The following CNTN3 variants were observed in gnomAD, a reference collection of about 807,000 sequenced individuals.
The protein encoded by CNTN3 is contactin-3.
Under a neutral mutation model 119.1 loss-of-function variants are expected in CNTN3, and 60 were observed. The observed-to-expected ratio is 0.50, with a 90% CI of 0.41 to 0.62. CNTN3 has a LOEUF of 0.62. Ranked by LOEUF, CNTN3 falls within the 20% of genes least tolerant of loss-of-function variation. The probability of loss-of-function intolerance (pLI) is 0.00; values close to 1 mark genes in which losing one functional copy is unlikely to be tolerated. For missense variants in CNTN3, 1,101 were observed against 1,242.4 expected, an observed-to-expected ratio of 0.89 and a Z score of 1.71; for synonymous variants, 450 against 438.7, an observed-to-expected ratio of 1.03 and a Z score of -0.32.
At chr3:74,532,698 C>T (rs920049249) in intron 1 of CNTN3, among the ~76,000 whole-genome samples, 10 of 151,822 alleles carry the variant, frequency 6.6e-5, no homozygotes, top group African/African-American at 2.2e-4. Context: ...TCACACTGCT[C>T]GGAATGGAAT....
At chr3:74,437,449 G>A (rs1273847764) in intron 4 of CNTN3, among the ~76,000 whole-genome samples, 1 of 151,912 alleles carries the variant, frequency 6.6e-6, no homozygotes, top group Non-Finnish European at 1.5e-5. Flanking sequence ...GTGACAGCGC[G>A]AGACTCTGTC....
At chr3:74,364,445 G>A (rs751812840) in intron 10 of CNTN3, 22 bp downstream of exon 10, 3 of 1,601,942 alleles carry the variant, frequency 1.9e-6, no homozygotes, top group Non-Finnish European at 2.6e-6. Context: ...ATTAAGAGAA[G>A]AGCAGAGAAA....
intron 5 of CNTN3, among the ~76,000 whole-genome samples, chr3:74,413,423 T>C (rs1242367439): frequency 1.3e-5 from 2 of 152,224 alleles, no homozygotes; most frequent in Non-Finnish European, 2.9e-5. Flanking sequence ...AAAATGTGTC[T>C]GTGTCTAATG....
At chr3:74,437,476 A>T (rs185625454) in intron 4 of CNTN3, among the ~76,000 whole-genome samples, 3 of 151,622 alleles carry the variant, frequency 2.0e-5, no homozygotes, top group Non-Finnish European at 4.4e-5. Context: ...AAATAAAAAT[A>T]AAAAAAAACC....
chr3:74,517,229 C>T (rs77908036), intron 2 of CNTN3, among the ~76,000 whole-genome samples: 6,168 of 152,020 alleles, frequency 0.041, 138 homozygotes, highest in South Asian at 0.068. Context: ...TGCTGACTTA[C>T]GATCTGGCCT....
At chr3:74,311,737 G>A (rs1702688987) in intron 13 of CNTN3, among the ~76,000 whole-genome samples, 1 of 152,174 alleles carries the variant, frequency 6.6e-6, no homozygotes, top group Non-Finnish European at 1.5e-5. Flanking sequence ...GAACTTAGAA[G>A]ATGTCACTCT....
chr3:74,305,904 C>G (rs1702553800), intron 13 of CNTN3, among the ~76,000 whole-genome samples: 2 of 151,706 alleles, frequency 1.3e-5, no homozygotes, highest in African/African-American at 4.8e-5. Flanking sequence ...CCCCTAAATG[C>G]TCAGCTTTCA....
chr3:74,403,675 T>G (rs930141209), intron 5 of CNTN3, among the ~76,000 whole-genome samples: 32 of 152,270 alleles, frequency 2.1e-4, no homozygotes, highest in African/African-American at 7.7e-4. Context: ...AGCTCATCCT[T>G]TTATTAAAAT....
intron 1 of CNTN3, among the ~76,000 whole-genome samples, chr3:74,559,075 G>A (rs1575829111): frequency 6.6e-6 from 1 of 151,568 alleles, no homozygotes; most frequent in Admixed American, 6.6e-5. Flanking sequence ...TAAGCATAGA[G>A]CTCAATAAAG....
rs562217702 is a variant in CNTN3, at chr3:74,378,993, T to C, written c.455-7594A>G. 2.8e-4 allele frequency among the ~76,000 whole-genome samples: 42 copies of C among 152,302 alleles called. No individual in the cohort carries two copies. The East Asian group carries it at 7.7e-3, about 28-fold the overall frequency. ...TTTTAGTTGAGCATATATGAGCTAT[T>C]TCTACTAGGTAACAGAGATAACACT... On this transcript the variant is annotated intron_variant, in intron 5 of 22. Coordinates refer to ENST00000263665, the MANE Select transcript of CNTN3 (RefSeq NM_020872.3).
chr3:74,526,441 A>G (rs1575808906), intron 1 of CNTN3, among the ~76,000 whole-genome samples: 1 of 151,964 alleles, frequency 6.6e-6, no homozygotes, highest in African/African-American at 2.4e-5. Context: ...CATGCATCAC[A>G]TAACTGATTT....
intron 13 of CNTN3, among the ~76,000 whole-genome samples, chr3:74,305,517 ATGGACAAACAGG>A (rs1393603416): frequency 3.9e-5 from 6 of 152,176 alleles, no homozygotes; most frequent in Non-Finnish European, 7.3e-5. Context: ...TAACAGTAGA[ATGGACAAACAGG>A]TAGTGGAATA....
rs535232066 is a variant in CNTN3 at position 74,500,386 on chromosome 3, A to C, written c.56-601T>G. Among the ~76,000 whole-genome samples, 367 of 152,160 alleles carry C rather than the reference A, an allele frequency of 2.4e-3. 3 individuals are homozygous for C. The highest frequency in any genetic ancestry group is 8.7e-3 in the African/African-American group (362 of 41,520). ...GAGAATTTCCACATAGAGAAAAAAAAACAAATCTCTCTATTGTACTACGTG... is the reference window on the plus strand; with the variant it reads ...GAGAATTTCCACATAGAGAAAAAAACACAAATCTCTCTATTGTACTACGTG... On this transcript the variant is annotated intron_variant, in intron 2 of 22. Transcript: ENST00000263665.
intron 11 of CNTN3, among the ~76,000 whole-genome samples, chr3:74,350,372 G>A (rs994030717): frequency 2.6e-5 from 4 of 152,084 alleles, no homozygotes; most frequent in Non-Finnish European, 5.9e-5. Flanking sequence ...ACCACAATGA[G>A]ATACCATCTC....
At chr3:74,545,040 T>C (rs377128980) in intron 1 of CNTN3, among the ~76,000 whole-genome samples, 1 of 152,204 alleles carries the variant, frequency 6.6e-6, no homozygotes, top group East Asian at 1.9e-4. Context: ...GGGATGGTTG[T>C]TGGAGTTCAT....
chr3:74,600,647 G>C (rs1231245891), intron 1 of CNTN3, among the ~76,000 whole-genome samples: 4 of 151,978 alleles, frequency 2.6e-5, no homozygotes, highest in African/African-American at 9.7e-5. Context: ...ATTCAAAACA[G>C]GCCATGACCT....
chr3:74,457,544 A>T lies in CNTN3; in HGVS notation c.358+28912T>A, dbSNP rs183509993. Among the ~76,000 whole-genome samples the T allele has an allele frequency of 2.0e-5, 3 of 152,146 alleles. No individual in the cohort carries two copies. The East Asian group carries it at 5.8e-4, about 29-fold the overall frequency. Reference sequence around the variant, plus strand: ...AATAAACCCAATATTCAAATATAAAATGTTATTTGTAGTATAGCGGAGAGG... The same window carrying T: ...AATAAACCCAATATTCAAATATAAATTGTTATTTGTAGTATAGCGGAGAGG... On this transcript the variant is annotated intron_variant, in intron 4 of 22. Transcript: ENST00000263665.
intron 1 of CNTN3, among the ~76,000 whole-genome samples, chr3:74,541,644 T>C (rs985764794): frequency 1.6e-4 from 24 of 152,008 alleles, no homozygotes; most frequent in African/African-American, 5.6e-4. Flanking sequence ...GAGCCTCAAA[T>C]AGGGAGGAAC....
intron 5 of CNTN3, among the ~76,000 whole-genome samples, chr3:74,424,341 G>A (rs1010369865): frequency 1.7e-4 from 26 of 151,238 alleles, no homozygotes; most frequent in African/African-American, 2.7e-4. Flanking sequence ...CAATTCCAAC[G>A]CCCCAATGTA....
Sources: gnomAD v4.1 joint callset for allele counts (sites outside exome capture counted in the v4.1 genomes callset) on GRCh38, gnomAD v4.1.1 for gene constraint, MANE v1.5 for transcripts, NCBI Gene and HGNC (gene_info 2026-07-23, HGNC 2026-07-21) for gene names.